Variants in PCDHA7 observed in about 807,000 individuals in gnomAD.
PCDHA7 encodes protocadherin alpha 7, also known as protocadherin alpha-7.
In PCDHA7, 37 loss-of-function variants were observed where a neutral mutation model predicts 57.2. That is an observed-to-expected ratio of 0.65 (90% CI 0.50 to 0.85). The LOEUF (loss-of-function observed/expected upper bound fraction) is 0.85, where lower values mean the gene tolerates loss of function less well. PCDHA7 is among the 40% of genes least tolerant of loss of function. The pLI, the probability that PCDHA7 is intolerant of heterozygous loss-of-function variation, is 0.00. For missense variants in PCDHA7, 1,188 were observed against 1,241.8 expected, an observed-to-expected ratio of 0.96 and a Z score of 0.65; for synonymous variants, 553 against 558.8, an observed-to-expected ratio of 0.99 and a Z score of 0.15.
chr5:140,877,171 G>A (rs2056910663), intron 1 of PCDHA7: 1 of 1,613,742 alleles, frequency 6.2e-7, no homozygotes, highest in Non-Finnish European at 8.5e-7. Context: ...GGCACTGCTG[G>A]CGACTCCGGC....
intron 1 of PCDHA7, chr5:140,870,635 C>T (rs1365729454): frequency 1.9e-6 from 3 of 1,612,850 alleles, no homozygotes; most frequent in Non-Finnish European, 2.5e-6. Flanking sequence ...TCGGTGCACG[C>T]GGAGAGCGGC....
Position 140,856,497 on chromosome 5 carries a change from G to A in PCDHA7, c.2355+19759G>A, listed in dbSNP as rs782069130. 1.1e-5 allele frequency: 17 copies of A among 1,598,346 alleles called. 1 individual carries two copies. Among genetic ancestry groups the A allele is most frequent in the Admixed American group, 5.1e-5 (3 of 59,216 alleles). ...CCTGAATCCAGACTGCTTGACTCTC[G>A]ATTTCCACTAGAAGGCGCATCTGAT... On this transcript the variant is annotated intron_variant, in intron 1 of 3. Transcript: ENST00000525929.
Position 140,835,448 on chromosome 5 carries a change from G to C in PCDHA7, c.1065G>C (p.Leu355=). The change falls in exon 1 of 4, where the codon CTG becomes CTC. Residue 355 remains leucine, a synonymous_variant. Transcript: ENST00000525929. ...DNAPQLTLTS[L]SLPIPEDAQP... ...CTCCACAGTTGACTCTCACTTCCCT[G>C]TCTCTCCCTATTCCAGAGGACGCCC... The C allele has an allele frequency of 1.9e-6, 3 of 1,613,886 alleles. No individual in the cohort carries two copies. Among genetic ancestry groups the C allele is most frequent in the African/African-American group, 1.3e-5 (1 of 75,026 alleles).
chr5:140,966,017 G>A (rs946123044), intron 1 of PCDHA7, among the ~76,000 whole-genome samples: 1 of 152,144 alleles, frequency 6.6e-6, no homozygotes, highest in Non-Finnish European at 1.5e-5. Flanking sequence ...GGGAAGATGT[G>A]GGAGTCAGGT....
intron 1 of PCDHA7, among the ~76,000 whole-genome samples, chr5:140,906,048 C>A (rs1482228569): frequency 1.3e-5 from 2 of 152,170 alleles, no homozygotes; most frequent in South Asian, 2.1e-4. Context: ...TTTATTCTGG[C>A]TGCACTGGCA....
chr5:140,944,419 T>C (rs2093656334), intron 1 of PCDHA7, among the ~76,000 whole-genome samples: 2 of 152,184 alleles, frequency 1.3e-5, no homozygotes, highest in South Asian at 4.1e-4. Flanking sequence ...ACTCCTGATC[T>C]GAAGTGGTCT....
chr5:140,927,505 G>C, intron 1 of PCDHA7: 2 of 1,614,120 alleles, frequency 1.2e-6, no homozygotes, highest in Middle Eastern at 1.6e-4. Context: ...GGTGCTTACA[G>C]CTCGGGACGG....
chr5:140,868,737 T>C (rs1479223301), intron 1 of PCDHA7: 1 of 203,404 alleles, frequency 4.9e-6, no homozygotes, highest in African/African-American at 2.3e-5. Context: ...AATCGAGAAA[T>C]ACAATGCCAT....
In PCDHA7 at chr5:140,919,966, A is replaced by G. The variant is rs1472155046; in HGVS notation, c.2356-58983A>G. Among the ~76,000 whole-genome samples, 3 of 139,590 alleles carry G rather than the reference A, an allele frequency of 2.1e-5. No homozygotes were observed. The East Asian group carries it at 7.1e-4, about 33-fold the overall frequency. The allele number at this position is 139,590 out of a possible 152,430, so 91.6% of individuals were successfully genotyped here. On this transcript the variant is annotated intron_variant, in intron 1 of 3. Transcript: ENST00000525929. ...GTGAAAAGTTTGTTTTGTTTTTTAA[A>G]TAAGAGATAGAAGATGGAAAACAGA...
At chr5:140,924,732 T>TA (rs1333846222) in intron 1 of PCDHA7, among the ~76,000 whole-genome samples, 2 of 151,706 alleles carry the variant, frequency 1.3e-5, no homozygotes, top group African/African-American at 4.8e-5. Flanking sequence ...TCACCTCTAA[T>TA]AAAAATACAA....
At position 140,884,225 on chromosome 5, in the gene PCDHA7, G is replaced by T. The variant is rs782322312; in HGVS notation, c.2355+47487G>T. 1.6e-5 allele frequency: 26 copies of T among 1,613,448 alleles called. No homozygotes were observed. The South Asian group carries it at 2.4e-4, about 15-fold the overall frequency. ...CCACCGCCTTCTGGTGCTGGTGAAG[G>T]ACCACGGTGAGCCCGCGCTGACGGC... is the stretch of plus-strand genomic sequence containing the variant. On this transcript the variant is annotated intron_variant, in intron 1 of 3. Transcript: ENST00000525929.
intron 1 of PCDHA7, chr5:140,869,781 T>C (rs781934601): frequency 6.2e-7 from 1 of 1,612,992 alleles, no homozygotes; most frequent in South Asian, 1.1e-5. Context: ...CTGGCACCGT[T>C]CGGCTGTTAG....
chr5:140,845,492 G>T lies in PCDHA7; in HGVS notation c.2355+8754G>T, dbSNP rs2150379266. ...ATTTGGGGTTGTGCTTTCACAGTGA[G>T]AAAGTCTAAACCTATTTCTTGTACA... On this transcript the variant is annotated intron_variant, in intron 1 of 3. Coordinates refer to ENST00000525929, the MANE Select transcript of PCDHA7 (RefSeq NM_018910.3). Among the ~76,000 whole-genome samples, 111 of 149,698 alleles carry T rather than the reference G, an allele frequency of 7.4e-4. 5 individuals are homozygous for T. Among genetic ancestry groups the T allele is most frequent in the African/African-American group, 2.6e-3 (108 of 41,006 alleles).
At chr5:140,870,325 C>G in intron 1 of PCDHA7, 1 of 1,614,198 alleles carries the variant, frequency 6.2e-7, no homozygotes. Flanking sequence ...CTCGTTGGTG[C>G]TGGACAGCGC....
chr5:140,856,312 G>C, intron 1 of PCDHA7: 1 of 1,598,632 alleles, frequency 6.3e-7, no homozygotes, highest in Non-Finnish European at 8.6e-7. Context: ...TGAATTCTCG[G>C]ATTGACCGCG....
intron 1 of PCDHA7, among the ~76,000 whole-genome samples, chr5:140,889,628 TTTTC>T (rs2062304515): frequency 6.6e-6 from 1 of 152,186 alleles, no homozygotes; most frequent in African/African-American, 2.4e-5. Flanking sequence ...ATTTCTCTTC[TTTTC>T]ATTTGTGTTT....
intron 3 of PCDHA7, among the ~76,000 whole-genome samples, chr5:141,007,792 C>A (rs2098346636): frequency 6.6e-6 from 1 of 152,166 alleles, no homozygotes. Flanking sequence ...TACAAATTAG[C>A]CTTTATCTGC....
chr5:140,853,543 A>G (rs2042787670), intron 1 of PCDHA7: 2 of 979,444 alleles, frequency 2.0e-6, no homozygotes, highest in Middle Eastern at 5.4e-4. Context: ...TTCAAGTTGT[A>G]ATTACTATAT....
intron 1 of PCDHA7, among the ~76,000 whole-genome samples, chr5:140,953,593 G>T (rs1392522676): frequency 6.6e-6 from 1 of 152,026 alleles, no homozygotes; most frequent in African/African-American, 2.4e-5. Context: ...GCCTCCTTTT[G>T]TTTATTCCCC....
Sources: gnomAD v4.1 joint callset for allele counts (sites outside exome capture counted in the v4.1 genomes callset) on GRCh38, gnomAD v4.1.1 for gene constraint, MANE v1.5 for transcripts, NCBI Gene and HGNC (gene_info 2026-07-23, HGNC 2026-07-21) for gene names.